RSRC1: variants seen among roughly 807,000 people sequenced by gnomAD.
The protein encoded by RSRC1 is arginine and serine rich coiled-coil 1.
In RSRC1, 39 loss-of-function variants were observed where a neutral mutation model predicts 49.1. The observed-to-expected ratio is 0.79, with a 90% CI of 0.61 to 1.04. RSRC1 has a LOEUF of 1.04. Among genes scored for constraint, RSRC1 ranks in the 50% least tolerant of loss-of-function variants. The pLI is 0.00. For synonymous variants in RSRC1, 143 were observed against 130.8 expected (o/e 1.09, Z -0.63); for missense variants, 388 against 402.4 (o/e 0.96, Z 0.31).
chr3:158,301,991 GTTT>G (rs35843326), intron 5 of RSRC1, among the ~76,000 whole-genome samples: 2,466 of 142,808 alleles, frequency 0.017, 54 homozygotes, highest in African/African-American at 0.058. Flanking sequence ...GGGTTTTTTT[GTTT>G]TTTTTTTTTG....
intron 6 of RSRC1, among the ~76,000 whole-genome samples, chr3:158,390,057 G>T (rs1043775530): frequency 1.3e-5 from 2 of 152,186 alleles, no homozygotes; most frequent in Non-Finnish European, 2.9e-5. Flanking sequence ...CAATCTTACT[G>T]TGCCTTAAGT....
intron 6 of RSRC1, among the ~76,000 whole-genome samples, chr3:158,400,376 G>A (rs1733836658): frequency 6.6e-6 from 1 of 152,160 alleles, no homozygotes; most frequent in Middle Eastern, 3.4e-3. Context: ...TGTATTTACT[G>A]TATCATATTT....
At chr3:158,494,433 G>A (rs749438924) in intron 7 of RSRC1, among the ~76,000 whole-genome samples, 5 of 152,172 alleles carry the variant, frequency 3.3e-5, no homozygotes, top group Non-Finnish European at 5.9e-5. Context: ...TTTGAAGGCC[G>A]AGGACATTAC....
chr3:158,288,536 A>G (rs1726713248), intron 4 of RSRC1, among the ~76,000 whole-genome samples: 1 of 152,192 alleles, frequency 6.6e-6, no homozygotes, highest in African/African-American at 2.4e-5. Flanking sequence ...GATAGGTAGC[A>G]TGTATCACAT....
intron 6 of RSRC1, among the ~76,000 whole-genome samples, chr3:158,445,984 A>G (rs59024285): frequency 0.072 from 10,942 of 152,180 alleles, 461 homozygotes; most frequent in South Asian, 0.13. Flanking sequence ...TCTGTTTTGC[A>G]AACTTTCCAT....
At chr3:158,339,316 A>C (rs2108211404) in intron 5 of RSRC1, among the ~76,000 whole-genome samples, 1 of 151,914 alleles carries the variant, frequency 6.6e-6, no homozygotes, top group Admixed American at 6.6e-5. Context: ...AAAAAAAAAA[A>C]AAAAAAAATG....
intron 4 of RSRC1, among the ~76,000 whole-genome samples, chr3:158,278,793 G>A (rs1474666848): frequency 1.3e-5 from 2 of 152,126 alleles, no homozygotes; most frequent in Non-Finnish European, 2.9e-5. Flanking sequence ...ACAACACTCA[G>A]AAACTCATTT....
chr3:158,361,202 C>A (rs1279485469), intron 6 of RSRC1, among the ~76,000 whole-genome samples: 10 of 152,152 alleles, frequency 6.6e-5, no homozygotes, highest in Non-Finnish European at 1.5e-4. Context: ...TGGCCCCAGG[C>A]AGCCCTTGGC....
intron 6 of RSRC1, among the ~76,000 whole-genome samples, chr3:158,355,652 T>C (rs1731115826): frequency 6.6e-6 from 1 of 152,048 alleles, no homozygotes; most frequent in Non-Finnish European, 1.5e-5. Context: ...ATTAAATACT[T>C]TACTTTTTTA....
chr3:158,321,032 A>G (rs937892079), intron 5 of RSRC1, among the ~76,000 whole-genome samples: 6 of 152,112 alleles, frequency 3.9e-5, no homozygotes, highest in Admixed American at 3.3e-4. Flanking sequence ...ACAGGAAAAT[A>G]TAAGTACTTT....
intron 3 of RSRC1, 62 bp downstream of exon 3, chr3:158,124,053 G>A: frequency 1.7e-6 from 2 of 1,190,846 alleles, no homozygotes; most frequent in Non-Finnish European, 2.3e-6. Context: ...GCGATGTAAA[G>A]CAACAATCAT....
At chr3:158,209,041 T>C (rs769862657) in intron 4 of RSRC1, among the ~76,000 whole-genome samples, 26 of 152,172 alleles carry the variant, frequency 1.7e-4, no homozygotes, top group Non-Finnish European at 3.1e-4. Flanking sequence ...TACTACTCAT[T>C]CTTAAATCAC....
At chr3:158,275,876 G>T (rs1050947208) in intron 4 of RSRC1, 3 of 624,180 alleles carry the variant, frequency 4.8e-6, no homozygotes, top group South Asian at 1.6e-5. Flanking sequence ...ACCACTAATT[G>T]TGTGGTGGAA....
At chr3:158,351,514 A>G (rs1018641529) in intron 5 of RSRC1, among the ~76,000 whole-genome samples, 1 of 152,264 alleles carries the variant, frequency 6.6e-6, no homozygotes, top group African/African-American at 2.4e-5. Context: ...TATTTCATAA[A>G]TAAAATTTAG....
intron 6 of RSRC1, among the ~76,000 whole-genome samples, chr3:158,358,389 T>C (rs189537766): frequency 5.9e-5 from 9 of 152,342 alleles, no homozygotes; most frequent in East Asian, 5.8e-4. Flanking sequence ...AACATTTCAC[T>C]CATGGCTTAT....
At chr3:158,292,740 T>C (rs189553278) in intron 4 of RSRC1, among the ~76,000 whole-genome samples, 10 of 152,328 alleles carry the variant, frequency 6.6e-5, no homozygotes, top group African/African-American at 4.8e-5. Context: ...TTTAAGACTT[T>C]TGTGTTTAAA....
intron 3 of RSRC1, among the ~76,000 whole-genome samples, chr3:158,141,461 A>G (rs551690002): frequency 6.6e-6 from 1 of 152,230 alleles, no homozygotes; most frequent in African/African-American, 2.4e-5. Context: ...TTAAGGACAC[A>G]TTTATGCTAA....
chr3:158,203,229 C>T lies in RSRC1; in HGVS notation c.478C>T (p.His160Tyr), dbSNP rs1246526885. The T allele has an allele frequency of 6.3e-7, 1 of 1,594,348 alleles. No homozygotes were observed. Among genetic ancestry groups the T allele is most frequent in the African/African-American group, 1.3e-5 (1 of 74,664 alleles). ...EKDKGKDKELHNIKRGESGNI... is the reference protein window; with the variant it reads ...EKDKGKDKELYNIKRGESGNI... ...GGATAAAGGGAAGGACAAGGAATTA[C>T]ATAACATCAAACGTGGGTAAGTTGG... Residue 160 changes from histidine (H) to tyrosine (Y), a missense_variant, in exon 4 of 10, where the codon CAT (histidine) becomes TAT (tyrosine). By Grantham distance (83) the His-to-Tyr change is moderately conservative (BLOSUM62 2). Coordinates refer to ENST00000611884, the MANE Select transcript of RSRC1 (RefSeq NM_001271838.2).
chr3:158,320,172 A>G (rs1728683469), intron 5 of RSRC1, among the ~76,000 whole-genome samples: 1 of 152,220 alleles, frequency 6.6e-6, no homozygotes, highest in African/African-American at 2.4e-5. Context: ...CACTCAAGGA[A>G]TAAGACTTAT....
Sources: gnomAD v4.1 joint callset for allele counts (sites outside exome capture counted in the v4.1 genomes callset) on GRCh38, gnomAD v4.1.1 for gene constraint, MANE v1.5 for transcripts, NCBI Gene and HGNC (gene_info 2026-07-23, HGNC 2026-07-21) for gene names.